WWP1: variants seen among roughly 807,000 people sequenced by gnomAD.
WWP1 encodes NEDD4-like E3 ubiquitin-protein ligase WWP1.
In WWP1, 49 loss-of-function variants were observed where a neutral mutation model predicts 130.6. That is an observed-to-expected ratio of 0.38 (90% confidence interval 0.30 to 0.48). The LOEUF is 0.48. Among genes scored for constraint, WWP1 ranks in the 20% least tolerant of loss-of-function variants. WWP1 has a pLI of 0.99. For missense variants in WWP1, 809 were observed against 1,100.6 expected (o/e 0.74, Z 3.75); for synonymous variants, 332 against 367.8 (o/e 0.90, Z 1.11).
chr8:86,411,567 A>G lies in WWP1; in HGVS notation c.754A>G (p.Thr252Ala), dbSNP rs774368754. 2.2e-5 allele frequency: 36 copies of G among 1,613,518 alleles called. No individual in the cohort carries two copies. The highest frequency in any genetic ancestry group is 2.8e-5 in the Non-Finnish European group (33 of 1,179,660). ...VNGESSSFAPTDNASVTGTPV... is the reference protein window; with the variant it reads ...VNGESSSFAPADNASVTGTPV... ...TGGAGAATCATCCTCATTTGCACCA[A>G]CTGATAATGCGTCTGTCACGGGTAC... The change falls in exon 9 of 25, where the codon ACT (threonine) becomes GCT (alanine). Residue 252 changes from threonine to alanine, a missense_variant. By Grantham distance (58) the Thr-to-Ala change is moderately conservative. Around this residue, in one of 3 missense-constraint regions of WWP1, gnomAD observed 262 missense variants for 346.0 expected, o/e 0.76. Transcript: ENST00000517970.
At chr8:86,422,874 A>G (rs1048410643) in intron 9 of WWP1, among the ~76,000 whole-genome samples, 2 of 152,188 alleles carry the variant, frequency 1.3e-5, no homozygotes, top group Non-Finnish European at 2.9e-5. Flanking sequence ...TAGGATAGAT[A>G]TGCACAATGA....
intron 8 of WWP1, among the ~76,000 whole-genome samples, chr8:86,407,078 AG>A (rs1808319600): frequency 6.6e-6 from 1 of 152,136 alleles, no homozygotes; most frequent in South Asian, 2.1e-4. Context: ...AAGGCTTGGG[AG>A]ATGTTCATTC....
intron 1 of WWP1, among the ~76,000 whole-genome samples, chr8:86,352,553 G>A (rs1271839682): frequency 6.6e-6 from 1 of 151,942 alleles, no homozygotes; most frequent in Non-Finnish European, 1.5e-5. Context: ...TCTTAGAGAT[G>A]GGGGTCTTAC....
intron 5 of WWP1, among the ~76,000 whole-genome samples, chr8:86,382,415 C>T (rs554962284): frequency 1.3e-5 from 2 of 152,254 alleles, no homozygotes; most frequent in South Asian, 2.1e-4. Flanking sequence ...AACCAGGGTT[C>T]TAGCTGGGGG....
At position 86,431,664 on chromosome 8, in the gene WWP1, C is replaced by T. The variant is rs751644854; in HGVS notation, c.1522C>T (p.Arg508Cys). 4.2e-5 allele frequency: 67 copies of T among 1,613,832 alleles called. No homozygotes were observed. Among genetic ancestry groups the T allele is most frequent in the Non-Finnish European group, 5.1e-5 (60 of 1,179,940 alleles). Residue 508 changes from arginine (R) to cysteine (C), a missense_variant, in exon 14 of 25, where the codon CGT (arginine) becomes TGT (cysteine). Coordinates refer to ENST00000517970, the MANE Select transcript of WWP1 (RefSeq NM_007013.4). ...LPEGWEIRYT[R>C]EGVRYFVDHN... ...AGAAGGCTGGGAAATTAGATATACT[C>T]GTGAAGGTGTAAGGTACTTTGTTGA...
chr8:86,380,705 A>G (rs1258084931), intron 3 of WWP1, 21 bp from the exon 4 acceptor site: 1 of 1,599,606 alleles, frequency 6.3e-7, no homozygotes, highest in Non-Finnish European at 8.5e-7. Context: ...CATACTCACT[A>G]GTGAATTATT....
At chr8:86,404,606 T>C (rs1208022419) in intron 8 of WWP1, among the ~76,000 whole-genome samples, 1 of 152,240 alleles carries the variant, frequency 6.6e-6, no homozygotes, top group Non-Finnish European at 1.5e-5. Context: ...ATGACATTCA[T>C]AGTAACTGTA....
chr8:86,456,296 C>T (rs1171228162), intron 21 of WWP1, among the ~76,000 whole-genome samples: 1 of 151,776 alleles, frequency 6.6e-6, no homozygotes, highest in African/African-American at 2.4e-5. Context: ...AACTGCTCTT[C>T]AAAAGATACC....
At chr8:86,369,346 C>T (rs1563471678) in intron 2 of WWP1, among the ~76,000 whole-genome samples, 1 of 152,164 alleles carries the variant, frequency 6.6e-6, no homozygotes, top group Non-Finnish European at 1.5e-5. Context: ...TATCTCTTCA[C>T]TTTTAAGGCA....
intron 17 of WWP1, among the ~76,000 whole-genome samples, chr8:86,438,928 C>T (rs955827012): frequency 3.3e-5 from 5 of 151,998 alleles, no homozygotes; most frequent in African/African-American, 1.2e-4. Flanking sequence ...AACAGTTAAT[C>T]ATACAATGTA....
chr8:86,347,275 C>T (rs764558194), intron 1 of WWP1, among the ~76,000 whole-genome samples: 6 of 152,172 alleles, frequency 3.9e-5, no homozygotes, highest in Non-Finnish European at 5.9e-5. Context: ...CGTGAGCCAT[C>T]GCTTCCAGCC....
chr8:86,431,329 A>C, intron 12 of WWP1, 77 bp from the exon 13 acceptor site: 1 of 363,276 alleles, frequency 2.8e-6, no homozygotes, highest in Non-Finnish European at 4.3e-6. Context: ...TATATATTAT[A>C]TATAATTATA....
intron 9 of WWP1, among the ~76,000 whole-genome samples, chr8:86,414,100 A>G (rs35940898): frequency 1.3e-5 from 2 of 152,200 alleles, no homozygotes; most frequent in Admixed American, 6.5e-5. Context: ...GTAGAGTGCA[A>G]CCCGTTAATA....
chr8:86,405,399 G>C (rs185643648), intron 8 of WWP1, among the ~76,000 whole-genome samples: 133 of 145,812 alleles, frequency 9.1e-4, no homozygotes, highest in African/African-American at 3.3e-3. Flanking sequence ...GGCTATTTAT[G>C]GTTCTTATTT....
intron 11 of WWP1, among the ~76,000 whole-genome samples, chr8:86,428,596 AT>A (rs1222163684): frequency 6.6e-6 from 1 of 152,030 alleles, no homozygotes; most frequent in Non-Finnish European, 1.5e-5. Context: ...TTTCAACCAC[AT>A]TTTTTTCAGA....
chr8:86,453,688 T>C (rs532621326), intron 21 of WWP1, among the ~76,000 whole-genome samples: 1 of 152,324 alleles, frequency 6.6e-6, no homozygotes, highest in East Asian at 1.9e-4. Context: ...CTCCACATCT[T>C]TCCCAACATT....
At chr8:86,380,990 A>G (rs1248775155) in intron 4 of WWP1, 126 bp downstream of exon 4, 1 of 1,219,946 alleles carries the variant, frequency 8.2e-7, no homozygotes, top group African/African-American at 1.6e-5. Context: ...TCGACAATTT[A>G]AAGTATGGAG....
intron 3 of WWP1, among the ~76,000 whole-genome samples, chr8:86,376,784 T>A (rs976483365): frequency 1.3e-5 from 2 of 152,184 alleles, no homozygotes; most frequent in African/African-American, 2.4e-5. Flanking sequence ...AATACAGTGA[T>A]CCTTTTGGGA....
intron 3 of WWP1, among the ~76,000 whole-genome samples, chr8:86,376,323 C>T (rs201713935): frequency 1.3e-5 from 2 of 152,086 alleles, no homozygotes; most frequent in East Asian, 3.9e-4. Context: ...AATCCCAGCA[C>T]TTTGGGAGGC....
Sources: allele counts gnomAD v4.1 joint callset (sites outside exome capture counted in the v4.1 genomes callset), GRCh38; gene constraint gnomAD v4.1.1; regional missense constraint gnomAD v4.1.1; transcripts MANE v1.5; gene names NCBI Gene and HGNC (gene_info 2026-07-23, HGNC 2026-07-21).